MPDZ: variants seen among roughly 807,000 people sequenced by gnomAD.
MPDZ encodes multiple PDZ domain crumbs cell polarity complex component, also known as multiple PDZ domain protein.
MPDZ carries 234 observed loss-of-function variants against 239.1 expected under a neutral mutation model. The observed-to-expected ratio is 0.98, with a 90% CI of 0.88 to 1.09. MPDZ has a LOEUF of 1.09. Among genes scored for constraint, MPDZ ranks in the 50% least tolerant of loss-of-function variants. The probability of loss-of-function intolerance (pLI) is 0.00; values close to 1 mark genes in which losing one functional copy is unlikely to be tolerated. For missense variants in MPDZ, 3,175 were observed against 2,510.0 expected (o/e 1.26, Z -5.66); for synonymous variants, 1,048 against 881.3 (o/e 1.19, Z -3.35).
Position 13,158,063 on chromosome 9 carries a change from C to T in MPDZ, c.3407G>A (p.Ser1136Asn), listed in dbSNP as rs41265286. Residue 1136 changes from serine to asparagine, a missense_variant, in exon 24 of 47, where the codon AGC becomes AAC. Coordinates refer to ENST00000319217, the MANE Select transcript of MPDZ (RefSeq NM_001378778.1). ...PEREEGEGEE[S>N]ELQNTAYSNW... The stretch of plus-strand genomic sequence containing the variant: ...GCTATATGCTGTGTTTTGAAGTTCG[C>T]TTTCTTCACCCTCTCCCTCTTCTCG... 2.0e-3 allele frequency: 3,249 copies of T among 1,612,790 alleles called. 10 individuals carry two copies. The highest frequency in any genetic ancestry group is 2.0e-3 in the Non-Finnish European group (2,344 of 1,179,198).
At chr9:13,162,846 A>T in intron 22 of MPDZ, 51 bp from the exon 23 acceptor site, 1 of 1,293,404 alleles carries the variant, frequency 7.7e-7, no homozygotes, top group Non-Finnish European at 1.1e-6. Flanking sequence ...ATTTTGCCTA[A>T]TTGTTAGGAA....
intron 43 of MPDZ, among the ~76,000 whole-genome samples, chr9:13,111,237 C>T (rs1942415012): frequency 6.6e-6 from 1 of 152,194 alleles, no homozygotes; most frequent in Non-Finnish European, 1.5e-5. Flanking sequence ...TGAGTAGTTG[C>T]AACAGAGACT....
chr9:13,226,555 T>A (rs1337979609), intron 3 of MPDZ, among the ~76,000 whole-genome samples: 3 of 152,236 alleles, frequency 2.0e-5, no homozygotes, highest in African/African-American at 2.4e-5. Flanking sequence ...AATATCCACA[T>A]GCTTCCTTAT....
chr9:13,123,514 G>T (rs1400578201), intron 35 of MPDZ, among the ~76,000 whole-genome samples: 1 of 151,916 alleles, frequency 6.6e-6, no homozygotes, highest in Admixed American at 6.6e-5. Flanking sequence ...AGGGTAGTGG[G>T]CCAAAAATTA....
rs551540114 is a variant in MPDZ at position 13,222,054 on chromosome 9, T to C, written c.747+179A>G. On this transcript the variant is annotated intron_variant, in intron 6 of 46. Coordinates refer to ENST00000319217, the MANE Select transcript of MPDZ (RefSeq NM_001378778.1). ...ACACAAAGAAAAGTAATTGTTGTTT[T>C]AGAACTTAGAAGCTTTATCATGCTT... Among the ~76,000 whole-genome samples the C allele has an allele frequency of 2.6e-5, 4 of 152,224 alleles. No individual in the cohort carries two copies. The South Asian group carries it at 8.3e-4, about 32-fold the overall frequency.
chr9:13,241,946 G>C (rs1017118060), intron 3 of MPDZ, among the ~76,000 whole-genome samples: 3 of 152,022 alleles, frequency 2.0e-5, no homozygotes, highest in Non-Finnish European at 4.4e-5. Flanking sequence ...AGTACACATT[G>C]ACTACCTGAC....
intron 25 of MPDZ, among the ~76,000 whole-genome samples, chr9:13,149,911 G>C (rs1293949651): frequency 1.3e-5 from 2 of 151,788 alleles, no homozygotes; most frequent in African/African-American, 4.8e-5. Context: ...CTTCGACTGA[G>C]AAGGATTTAC....
At chr9:13,181,307 T>C (rs1412513188) in intron 19 of MPDZ, among the ~76,000 whole-genome samples, 5 of 152,180 alleles carry the variant, frequency 3.3e-5, no homozygotes, top group African/African-American at 1.2e-4. Flanking sequence ...AAATTGTCAA[T>C]TGTAAATTCC....
intron 42 of MPDZ, among the ~76,000 whole-genome samples, chr9:13,112,721 T>G (rs1019541620): frequency 2.6e-5 from 4 of 152,204 alleles, no homozygotes; most frequent in Admixed American, 2.6e-4. Context: ...AAGTATCTGT[T>G]GAAGAGAAAG....
rs79441929 is a variant in MPDZ at position 13,267,791 on chromosome 9, T to G, written c.-58+11609A>C. On this transcript the variant is annotated intron_variant, in intron 1 of 46. Transcript: ENST00000319217. ...ATGGCACTGAGATGATTTGGAAAACTCTCAGAAAATTCCTTAGCATTCACC... is the reference window on the plus strand; with the variant it reads ...ATGGCACTGAGATGATTTGGAAAACGCTCAGAAAATTCCTTAGCATTCACC... 6.2e-3 allele frequency among the ~76,000 whole-genome samples: 940 copies of G among 152,226 alleles called. 20 individuals are homozygous for G. Among genetic ancestry groups the G allele is most frequent in the East Asian group, 0.046 (237 of 5,166 alleles).
chr9:13,179,280 C>T (rs981666319), intron 19 of MPDZ, among the ~76,000 whole-genome samples: 5 of 152,126 alleles, frequency 3.3e-5, no homozygotes, highest in Admixed American at 6.5e-5. Context: ...TAATAATGTA[C>T]TTACTACAGA....
At chr9:13,220,243 T>G (rs1201415281) in intron 7 of MPDZ, among the ~76,000 whole-genome samples, 1 of 151,984 alleles carries the variant, frequency 6.6e-6, no homozygotes, top group Non-Finnish European at 1.5e-5. Flanking sequence ...AGAACTCATG[T>G]GCAGGTGAAA....
intron 45 of MPDZ, 53 bp downstream of exon 45, chr9:13,109,899 A>G (rs1942139499): frequency 3.6e-6 from 5 of 1,406,052 alleles, no homozygotes; most frequent in Non-Finnish European, 5.0e-6. Context: ...ACTGTCAGGA[A>G]GACTTGATTC....
intron 19 of MPDZ, among the ~76,000 whole-genome samples, chr9:13,176,681 G>T (rs899649087): frequency 7.0e-6 from 1 of 142,852 alleles, no homozygotes; most frequent in East Asian, 1.9e-4. Context: ...GATACTGTAC[G>T]TAAGATCATT....
rs372421642 is a variant in MPDZ at position 13,224,066 on chromosome 9, C to T, written c.393+308G>A. Among the ~76,000 whole-genome samples the T allele has an allele frequency of 2.0e-5, 3 of 151,460 alleles. No individual in the cohort carries two copies. In the East Asian group the frequency reaches 5.8e-4, roughly 30 times the overall value. ...ACTTAAAAGCCAATTACTGCAGTAA[C>T]AGTCATCTTATCAGAATCATTTCTT... On this transcript the variant is annotated intron_variant, in intron 4 of 46. Coordinates refer to ENST00000319217, the MANE Select transcript of MPDZ (RefSeq NM_001378778.1).
intron 4 of MPDZ, 38 bp downstream of exon 4, chr9:13,224,336 C>G: frequency 6.8e-7 from 1 of 1,471,478 alleles, no homozygotes; most frequent in African/African-American, 1.4e-5. Flanking sequence ...TAAATTACTA[C>G]AGGTATTACA....
intron 32 of MPDZ, among the ~76,000 whole-genome samples, chr9:13,127,745 T>C (rs1301297575): frequency 6.6e-6 from 1 of 152,164 alleles, no homozygotes; most frequent in East Asian, 1.9e-4. Flanking sequence ...TCACTGACCA[T>C]CTCTCTACCA....
At chr9:13,116,509 G>A (rs545681480) in intron 39 of MPDZ, among the ~76,000 whole-genome samples, 91 of 152,264 alleles carry the variant, frequency 6.0e-4, no homozygotes, top group African/African-American at 1.6e-3. Flanking sequence ...ATCATACTCT[G>A]AAAGGTCAAA....
chr9:13,190,052 C>G, intron 16 of MPDZ, 62 bp downstream of exon 16: 1 of 1,436,674 alleles, frequency 7.0e-7, no homozygotes. Flanking sequence ...CTATCATCAT[C>G]TGCTTTTTCT....
Sources: allele counts gnomAD v4.1 joint callset (sites outside exome capture counted in the v4.1 genomes callset), GRCh38; gene constraint gnomAD v4.1.1; transcripts MANE v1.5; gene names NCBI Gene and HGNC (gene_info 2026-07-23, HGNC 2026-07-21).